ALCAM: variants seen among roughly 807,000 people sequenced by gnomAD.
ALCAM encodes activated leukocyte cell adhesion molecule, also known as CD166 antigen.
Under a neutral mutation model 70.9 loss-of-function variants are expected in ALCAM, and 30 were observed. The observed-to-expected ratio is 0.42, with a 90% confidence interval of 0.32 to 0.57. The LOEUF (loss-of-function observed/expected upper bound fraction) is 0.57. ALCAM is among the 20% of genes least tolerant of loss of function. The pLI is 0.11. For synonymous variants in ALCAM, 249 were observed against 242.5 expected, an observed-to-expected ratio of 1.03 and a Z score of -0.25; for missense variants, 591 against 695.1, an observed-to-expected ratio of 0.85 and a Z score of 1.68.
intron 3 of ALCAM, 79 bp from the exon 4 acceptor site, chr3:105,531,919 GAATT>G: frequency 9.4e-7 from 1 of 1,067,326 alleles, no homozygotes; most frequent in Non-Finnish European, 1.5e-6. Context: ...TTGAGTAAAT[GAATT>G]GTTTTTGCTG....
chr3:105,534,820 T>C lies in ALCAM; in HGVS notation c.705T>C (p.Ser235=), dbSNP rs762403213. 1 of 1,613,436 alleles carries C rather than the reference T, an allele frequency of 6.2e-7. No individual in the cohort carries two copies. The highest frequency in any genetic ancestry group is 1.1e-5 in the South Asian group (1 of 90,998). The change falls in exon 6 of 16, where the codon TCT becomes TCC. Residue 235 remains serine, a synonymous_variant. Coordinates refer to ENST00000306107, the MANE Select transcript of ALCAM (RefSeq NM_001627.4). ...YGPSGQKTIH[S]EQAVFDIYYP... is the part of the protein sequence containing the mutation. ...CATCTGGCCAGAAAACAATTCATTCTGAACAGGCAGTATTTGATATTTACT... is the reference window on the plus strand; with the variant it reads ...CATCTGGCCAGAAAACAATTCATTCCGAACAGGCAGTATTTGATATTTACT...
intron 8 of ALCAM, 176 bp from the exon 9 acceptor site, chr3:105,545,047 G>A: frequency 1.8e-6 from 1 of 555,846 alleles, no homozygotes; most frequent in South Asian, 1.8e-5. Context: ...CTCAAGGCTG[G>A]CTTGAAAAAC....
chr3:105,405,277 C>CAAAAAAAAAAAAAAAAA (rs35101188), intron 1 of ALCAM, among the ~76,000 whole-genome samples: 2 of 65,226 alleles, frequency 3.1e-5, no homozygotes, highest in African/African-American at 1.3e-4. Flanking sequence ...AACTTCGTCT[C>CAAAAAAAAAAAAAAAAA]AAAAAAAAAA....
intron 1 of ALCAM, among the ~76,000 whole-genome samples, chr3:105,500,855 C>T (rs2291377): frequency 0.12 from 18,867 of 152,150 alleles, 1,354 homozygotes; most frequent in East Asian, 0.24. Context: ...AGAAATATTT[C>T]CTACAGCTGG....
intron 1 of ALCAM, among the ~76,000 whole-genome samples, chr3:105,380,357 T>C (rs946202981): frequency 1.1e-4 from 16 of 151,892 alleles, no homozygotes; most frequent in Admixed American, 1.1e-3. Flanking sequence ...AAAATTTAAA[T>C]GGTTTCAATT....
chr3:105,388,715 T>C (rs1051462393), intron 1 of ALCAM, among the ~76,000 whole-genome samples: 3 of 151,638 alleles, frequency 2.0e-5, no homozygotes, highest in African/African-American at 7.3e-5. Context: ...GGAAAACTTA[T>C]TAGGGTTAAG....
chr3:105,464,017 C>G (rs1937646752), intron 1 of ALCAM, among the ~76,000 whole-genome samples: 1 of 151,332 alleles, frequency 6.6e-6, no homozygotes, highest in Non-Finnish European at 1.5e-5. Context: ...TGTTATTTCA[C>G]ATTTAGTGAC....
At chr3:105,555,104 A>T (rs1261907770) in intron 14 of ALCAM, among the ~76,000 whole-genome samples, 1 of 151,994 alleles carries the variant, frequency 6.6e-6, no homozygotes, top group Non-Finnish European at 1.5e-5. Flanking sequence ...TGGTAACCCC[A>T]AATTAAAATG....
intron 1 of ALCAM, among the ~76,000 whole-genome samples, chr3:105,407,009 A>G (rs1336663191): frequency 2.0e-5 from 3 of 152,192 alleles, no homozygotes; most frequent in African/African-American, 7.2e-5. Flanking sequence ...AACCAGGAAG[A>G]TACAGAATCT....
intron 1 of ALCAM, among the ~76,000 whole-genome samples, chr3:105,396,676 C>T (rs1257189383): frequency 6.6e-6 from 1 of 151,924 alleles, no homozygotes; most frequent in African/African-American, 2.4e-5. Flanking sequence ...TCCCTACTGC[C>T]CAGTCCTCTG....
chr3:105,559,316 A>C (rs949689149), intron 14 of ALCAM, among the ~76,000 whole-genome samples: 2 of 148,080 alleles, frequency 1.4e-5, no homozygotes, highest in Non-Finnish European at 3.0e-5. Flanking sequence ...ATATACACAT[A>C]TATGTAATAT....
At position 105,576,611 on chromosome 3, in the gene ALCAM, T is replaced by C. The variant is rs1940966314; in HGVS notation, c.*2160T>C. The C allele has an allele frequency of 6.6e-6, 1 of 152,248 alleles. No homozygotes were observed. The highest frequency in any genetic ancestry group is 6.6e-5 in the Admixed American group (1 of 15,226). 9.4% of individuals were successfully genotyped at this position (152,248 alleles called of 1,614,324 possible). A position where few individuals can be genotyped will look rare whatever the true frequency, so the allele number is the denominator to read the frequency against. Reference sequence around the variant, plus strand: ...AGAGCTCTGGACCGAAAGCAGAAAGTTTGCCGGGAAAAAAAAAGACAACAT... The same window carrying C: ...AGAGCTCTGGACCGAAAGCAGAAAGCTTGCCGGGAAAAAAAAAGACAACAT... On this transcript the variant is annotated 3_prime_UTR_variant, in exon 16 of 16. Coordinates refer to ENST00000306107, the MANE Select transcript of ALCAM (RefSeq NM_001627.4).
At chr3:105,420,448 T>C (rs1358411543) in intron 1 of ALCAM, among the ~76,000 whole-genome samples, 1 of 151,750 alleles carries the variant, frequency 6.6e-6, no homozygotes, top group Non-Finnish European at 1.5e-5. Flanking sequence ...TGTGAAGAAA[T>C]GCTGCATCTA....
chr3:105,414,894 A>T (rs142405911), intron 1 of ALCAM, among the ~76,000 whole-genome samples: 1 of 152,136 alleles, frequency 6.6e-6, no homozygotes, highest in African/African-American at 2.4e-5. Context: ...ATTGTTTAAG[A>T]TATGTCTGCA....
chr3:105,376,109 G>A (rs1935371389), intron 1 of ALCAM, among the ~76,000 whole-genome samples: 1 of 151,916 alleles, frequency 6.6e-6, no homozygotes, highest in Admixed American at 6.6e-5. Flanking sequence ...AGAGGAGAGA[G>A]AAAGACAGAG....
chr3:105,529,646 A>G (rs1055570929), intron 3 of ALCAM, among the ~76,000 whole-genome samples: 2 of 152,146 alleles, frequency 1.3e-5, no homozygotes, highest in African/African-American at 4.8e-5. Context: ...TAATGTAAAC[A>G]GGATTAAGCT....
chr3:105,567,927 A>T (rs1940778510), intron 14 of ALCAM, among the ~76,000 whole-genome samples: 1 of 152,086 alleles, frequency 6.6e-6, no homozygotes, highest in Non-Finnish European at 1.5e-5. Flanking sequence ...CCTAGCAGAC[A>T]ATTAGATTAC....
Position 105,533,679 on chromosome 3 carries a change from C to A in ALCAM, c.536C>A (p.Pro179His). ...TACAGGAATGGAAAAGTGCTACATCCCCTTGAAGGAGGTGGGTGTGAGGGC... is the reference window on the plus strand; with the variant it reads ...TACAGGAATGGAAAAGTGCTACATCACCTTGAAGGAGGTGGGTGTGAGGGC... ...TWYRNGKVLH[P>H]LEGAVVIIFK... The change falls in exon 5 of 16, where the codon CCC (proline) becomes CAC (histidine). Residue 179 changes from proline to histidine, a missense_variant. By Grantham distance (77) the Pro-to-His change is moderately conservative. Around this residue, in one of 2 missense-constraint regions of ALCAM, gnomAD observed 427 missense variants for 450.4 expected, o/e 0.95. Coordinates refer to ENST00000306107, the MANE Select transcript of ALCAM (RefSeq NM_001627.4). 1 of 1,610,944 alleles carries A rather than the reference C, an allele frequency of 6.2e-7. No homozygotes were observed. Among genetic ancestry groups the A allele is most frequent in the East Asian group, 2.2e-5 (1 of 44,790 alleles).
chr3:105,572,001 C>A, intron 15 of ALCAM, 37 bp downstream of exon 15: 1 of 1,208,156 alleles, frequency 8.3e-7, no homozygotes, highest in Non-Finnish European at 1.2e-6. Flanking sequence ...AAATAATTCC[C>A]TAGCAAGTAG....
Sources: allele counts gnomAD v4.1 joint callset (sites outside exome capture counted in the v4.1 genomes callset), GRCh38; gene constraint gnomAD v4.1.1; regional missense constraint gnomAD v4.1.1; transcripts MANE v1.5; gene names NCBI Gene and HGNC (gene_info 2026-07-23, HGNC 2026-07-21).